The following N4BP2 variants were observed in gnomAD, a reference collection of about 807,000 sequenced individuals.
N4BP2 encodes the protein NEDD4-binding protein 2.
In N4BP2, 91 loss-of-function variants were observed where a neutral mutation model predicts 152.8. The ratio of observed to expected loss-of-function variants is 0.60; its 90% CI spans 0.50 to 0.71. The LOEUF (loss-of-function observed/expected upper bound fraction) is 0.71, where lower values mean the gene tolerates loss of function less well. Among genes scored for constraint, N4BP2 ranks in the 30% least tolerant of loss-of-function variants. The pLI, the probability that N4BP2 is intolerant of heterozygous loss-of-function variation, is 0.00. For missense variants in N4BP2, 1,923 were observed against 2,059.1 expected, an observed-to-expected ratio of 0.93 and a Z score of 1.28; for synonymous variants, 646 against 705.3, an observed-to-expected ratio of 0.92 and a Z score of 1.33.
intron 8 of N4BP2, among the ~76,000 whole-genome samples, chr4:40,118,310 G>A (rs1717541966): frequency 6.6e-6 from 1 of 152,150 alleles, no homozygotes; most frequent in South Asian, 2.1e-4. Flanking sequence ...CAGCTGCTTG[G>A]GAGGCTGAGG....
chr4:40,134,885 CT>C (rs1216033833), intron 13 of N4BP2, among the ~76,000 whole-genome samples: 1 of 127,310 alleles, frequency 7.9e-6, no homozygotes, highest in Non-Finnish European at 1.7e-5. Context: ...TTCTTCCTTC[CT>C]CCCTTCCTTC....
chr4:40,073,010 C>T (rs1425213927), intron 1 of N4BP2, among the ~76,000 whole-genome samples: 3 of 152,092 alleles, frequency 2.0e-5, no homozygotes, highest in Admixed American at 1.3e-4. Flanking sequence ...TGTGAGCCAC[C>T]GCACCTGGCC....
the N4BP2 span, among the ~76,000 whole-genome samples, chr4:40,190,025 CT>C: frequency 6.6e-6 from 1 of 152,128 alleles, no homozygotes; most frequent in Non-Finnish European, 1.5e-5. Flanking sequence ...CTATGAAGGA[CT>C]TTCCTGACCA....
intron 2 of N4BP2, among the ~76,000 whole-genome samples, chr4:40,094,727 T>C (rs1251020563): frequency 6.6e-6 from 1 of 150,478 alleles, no homozygotes; most frequent in Non-Finnish European, 1.5e-5. Context: ...TAATTTTGTA[T>C]TTTTAGTGGA....
chr4:40,120,847 T>G lies in N4BP2; in HGVS notation c.2736T>G (p.Ile912Met). 6.2e-7 allele frequency: 1 copy of G among 1,614,064 alleles called. No homozygotes were observed. Among genetic ancestry groups the G allele is most frequent in the Middle Eastern group, 1.7e-4 (1 of 6,058 alleles). Residue 912 changes from isoleucine to methionine, a missense_variant, in exon 9 of 18, where the codon ATT (isoleucine) becomes ATG (methionine). By Grantham distance (10) the Ile-to-Met change is conservative (BLOSUM62 1). Transcript: ENST00000261435. ...GTTTAAGTGAGCCCAACCTAGAAAT[T>G]GGAACAAATGACAAAATGAATGAAA... ...KTGLSEPNLE[I>M]GTNDKMNEIS...
At chr4:40,145,368 C>T (rs1044621712) in intron 16 of N4BP2, among the ~76,000 whole-genome samples, 4 of 152,048 alleles carry the variant, frequency 2.6e-5, no homozygotes, top group African/African-American at 7.2e-5. Flanking sequence ...GGATTACAGG[C>T]GGGTGTCACC....
chr4:40,101,191 C>T (rs1226989601), intron 3 of N4BP2, among the ~76,000 whole-genome samples: 1 of 152,152 alleles, frequency 6.6e-6, no homozygotes, highest in Non-Finnish European at 1.5e-5. Flanking sequence ...GAGTCTCGCT[C>T]TGTCACCAAG....
At chr4:40,076,369 G>A (rs547911292) in intron 2 of N4BP2, among the ~76,000 whole-genome samples, 2 of 152,066 alleles carry the variant, frequency 1.3e-5, no homozygotes, top group South Asian at 4.1e-4. Context: ...CCAGCTATTC[G>A]GGAGGCTGAG....
intron 13 of N4BP2, 94 bp from the exon 14 acceptor site, chr4:40,136,850 A>G (rs1719452105): frequency 1.1e-6 from 1 of 898,114 alleles, no homozygotes; most frequent in Non-Finnish European, 1.6e-6. Context: ...AGTTTTTCAT[A>G]TTCTTGTAAG....
chr4:40,186,845 A>G, the N4BP2 span, among the ~76,000 whole-genome samples: 1 of 152,072 alleles, frequency 6.6e-6, no homozygotes, highest in Admixed American at 6.6e-5. Flanking sequence ...GCCCATGACT[A>G]TTTTTCCTGA....
chr4:40,181,374 C>T, the N4BP2 span, among the ~76,000 whole-genome samples: 1,140 of 152,182 alleles, frequency 7.5e-3, 7 homozygotes, highest in Non-Finnish European at 0.013. Flanking sequence ...AAAACATTTT[C>T]GATACTAGCT....
rs528687221 is a variant in N4BP2, at chr4:40,113,194, A to G, written c.1588-238A>G. Among the ~76,000 whole-genome samples, 7 of 152,322 alleles carry G rather than the reference A, an allele frequency of 4.6e-5. No individual in the cohort carries two copies. In the East Asian group the frequency reaches 1.3e-3, roughly 29 times the overall value. On this transcript the variant is annotated intron_variant, in intron 6 of 17. Transcript: ENST00000261435. ...TGTTACAAATACTGGAAAACTGGCT[A>G]TCCTGGCATATATCTAATGTATGTA...
chr4:40,107,821 T>G (rs1716470121), intron 5 of N4BP2, among the ~76,000 whole-genome samples: 1 of 152,216 alleles, frequency 6.6e-6, no homozygotes, highest in East Asian at 1.9e-4. Context: ...TAGAATATTG[T>G]GTGGCATATT....
chr4:40,156,184 G>A lies in N4BP2; in HGVS notation c.*1947G>A, dbSNP rs1380832765. The A allele has an allele frequency of 2.0e-5, 3 of 152,140 alleles. No individual in the cohort carries two copies. The highest frequency in any genetic ancestry group is 4.8e-5 in the African/African-American group (2 of 41,434). The allele number at this position is 152,140 out of a possible 1,614,324, so 9.4% of individuals were successfully genotyped here. On this transcript the variant is annotated 3_prime_UTR_variant, in exon 18 of 18. Transcript: ENST00000261435. ...AAATGTGGAGTTAATTGGAATGTGT[G>A]CAGCTGCATACTCACTTTCTGTGTT...
At chr4:40,149,628 CTCAT>C (rs1720952605) in intron 16 of N4BP2, among the ~76,000 whole-genome samples, 1 of 152,176 alleles carries the variant, frequency 6.6e-6, no homozygotes, top group South Asian at 2.1e-4. Flanking sequence ...GGCTCAGTGG[CTCAT>C]GCCTGTAATC....
chr4:40,148,639 A>T (rs1259918172), intron 16 of N4BP2, among the ~76,000 whole-genome samples: 3 of 152,190 alleles, frequency 2.0e-5, no homozygotes, highest in East Asian at 3.8e-4. Flanking sequence ...CCTTTTAAAA[A>T]ATTTTTAATT....
chr4:40,075,944 A>G (rs1712687893), intron 2 of N4BP2, among the ~76,000 whole-genome samples: 1 of 152,024 alleles, frequency 6.6e-6, no homozygotes, highest in African/African-American at 2.4e-5. Context: ...CTCCTACCTC[A>G]GTCTCCTGAG....
intron 1 of N4BP2, among the ~76,000 whole-genome samples, chr4:40,061,288 G>C (rs1733633928): frequency 6.6e-6 from 1 of 152,048 alleles, no homozygotes; most frequent in South Asian, 2.1e-4. Context: ...TCCTGCCTCA[G>C]CCTCCCGAGT....
At chr4:40,181,448 G>A in the N4BP2 span, among the ~76,000 whole-genome samples, 3 of 152,136 alleles carry the variant, frequency 2.0e-5, no homozygotes, top group African/African-American at 4.8e-5. Flanking sequence ...AAACCCCCAA[G>A]CAATGGTGGG....
Sources: gnomAD v4.1 joint callset for allele counts (sites outside exome capture counted in the v4.1 genomes callset) on GRCh38, gnomAD v4.1.1 for gene constraint, MANE v1.5 for transcripts, NCBI Gene and HGNC (gene_info 2026-07-23, HGNC 2026-07-21) for gene names.